Variants in ZNF385D observed in about 807,000 individuals in gnomAD.
ZNF385D encodes zinc finger protein 659.
In ZNF385D, 15 loss-of-function variants were observed where a neutral mutation model predicts 35.8. The observed-to-expected ratio is 0.42, with a 90% CI of 0.28 to 0.64. ZNF385D has a LOEUF of 0.64. ZNF385D is among the 30% of genes least tolerant of loss of function. The probability of loss-of-function intolerance (pLI) is 0.23; values close to 1 mark genes in which losing one functional copy is unlikely to be tolerated. For missense variants in ZNF385D, 474 were observed against 494.6 expected (o/e 0.96, Z 0.39); for synonymous variants, 212 against 186.8 (o/e 1.13, Z -1.10).
chr3:21,845,866 GA>G (rs1415298174), intron 3 of ZNF385D, among the ~76,000 whole-genome samples: 1 of 151,876 alleles, frequency 6.6e-6, no homozygotes, highest in Non-Finnish European at 1.5e-5. Flanking sequence ...CCTGAATATG[GA>G]AAAATATTTA....
At chr3:22,126,560 A>C (rs1046758162) in intron 3 of ZNF385D, among the ~76,000 whole-genome samples, 5 of 151,968 alleles carry the variant, frequency 3.3e-5, no homozygotes, top group African/African-American at 1.2e-4. Context: ...ATATTATTTC[A>C]ATTTTTCTGA....
At position 21,974,118 on chromosome 3, in the gene ZNF385D, T is replaced by C. The variant is rs190951959; in HGVS notation, c.325+194699A>G. ...AAAAGTCCCAGAATAGACAAAGCTA[T>C]CCTGAGCAAAAATTTGAACAAAACT... On this transcript the variant is annotated intron_variant, in intron 3 of 5. Coordinates refer to the ZNF385D transcript ENST00000494108. 2.7e-3 allele frequency among the ~76,000 whole-genome samples: 412 copies of C among 152,076 alleles called. 1 individual carries two copies. The highest frequency in any genetic ancestry group is 4.4e-3 in the Non-Finnish European group (301 of 67,926).
At chr3:21,675,765 A>C (rs1479201599) in intron 1 of ZNF385D, among the ~76,000 whole-genome samples, 1 of 152,072 alleles carries the variant, frequency 6.6e-6, no homozygotes, top group East Asian at 1.9e-4. Flanking sequence ...TATATTGTAG[A>C]TTATCCATAT....
chr3:22,168,958 T>G, exon 3 of ZNF385D: 1 of 985,818 alleles, frequency 1.0e-6, no homozygotes, highest in African/African-American at 1.7e-5. Context: ...GTATGTTTCT[T>G]TTCTCTTTCT....
chr3:21,435,870 G>T (rs1003001441), intron 5 of ZNF385D, among the ~76,000 whole-genome samples: 2 of 152,098 alleles, frequency 1.3e-5, no homozygotes, highest in Non-Finnish European at 2.9e-5. Flanking sequence ...GTTATATGCT[G>T]GAGGAAGGTG....
chr3:21,643,870 T>C (rs1389833874), intron 2 of ZNF385D, among the ~76,000 whole-genome samples: 3 of 152,132 alleles, frequency 2.0e-5, no homozygotes, highest in Non-Finnish European at 4.4e-5. Context: ...GAAAGTTCTA[T>C]TGTACAGTGC....
At chr3:21,665,097 T>C in intron 1 of ZNF385D, 69 bp from the exon 2 acceptor site, 1 of 1,491,860 alleles carries the variant, frequency 6.7e-7, no homozygotes, top group Non-Finnish European at 8.9e-7. Context: ...AAGTTGCTTT[T>C]GAGACAAAAA....
At chr3:22,284,100 T>A (rs923982298) in intron 2 of ZNF385D, among the ~76,000 whole-genome samples, 3 of 152,158 alleles carry the variant, frequency 2.0e-5, no homozygotes, top group Admixed American at 1.3e-4. Context: ...GGCAAGATAG[T>A]ACAACTGCCA....
rs182327295 is a variant in ZNF385D, at chr3:21,609,692, A to T, written c.166-45008T>A. Among the ~76,000 whole-genome samples, 1,171 of 152,252 alleles carry T rather than the reference A, an allele frequency of 7.7e-3. 9 individuals carry two copies. The highest frequency in any genetic ancestry group is 1.0e-2 in the Non-Finnish European group (680 of 68,018). ...CACTGGTCCAAGGTGTCAGCACAGA[A>T]CCTAATGGGGCCAATAATACTTATC... On this transcript the variant is annotated intron_variant, in intron 2 of 7. Transcript: ENST00000281523.
At chr3:21,565,975 G>A (rs965909309) in intron 2 of ZNF385D, among the ~76,000 whole-genome samples, 2 of 152,132 alleles carry the variant, frequency 1.3e-5, no homozygotes, top group African/African-American at 2.4e-5. Flanking sequence ...TCAGGTCACT[G>A]GAATCAGTTA....
chr3:22,213,995 C>T (rs1232864673), intron 2 of ZNF385D, among the ~76,000 whole-genome samples: 1 of 151,974 alleles, frequency 6.6e-6, no homozygotes, highest in African/African-American at 2.4e-5. Context: ...GGTACATTTG[C>T]CATAGGTTGG....
At chr3:22,238,298 C>G (rs908187790) in intron 2 of ZNF385D, among the ~76,000 whole-genome samples, 6 of 145,538 alleles carry the variant, frequency 4.1e-5, no homozygotes, top group Non-Finnish European at 7.8e-5. Flanking sequence ...TATTGGGGGT[C>G]CCTTGCATTT....
At chr3:22,176,616 A>C (rs1302450876) in intron 2 of ZNF385D, among the ~76,000 whole-genome samples, 1 of 152,220 alleles carries the variant, frequency 6.6e-6, no homozygotes, top group Non-Finnish European at 1.5e-5. Flanking sequence ...TACAAAAATT[A>C]AGCCCAGAGT....
chr3:22,369,809 C>G (rs2125233648), intron 2 of ZNF385D, among the ~76,000 whole-genome samples: 1 of 152,222 alleles, frequency 6.6e-6, no homozygotes, highest in South Asian at 2.1e-4. Flanking sequence ...TTTAAAACCT[C>G]AAAATCTTTA....
intron 3 of ZNF385D, among the ~76,000 whole-genome samples, chr3:22,011,259 A>T (rs1227121898): frequency 6.6e-6 from 1 of 152,160 alleles, no homozygotes; most frequent in Non-Finnish European, 1.5e-5. Flanking sequence ...CTATGGATAG[A>T]TGGTTATTTT....
At chr3:22,168,288 A>C (rs1038949327) in intron 3 of ZNF385D, among the ~76,000 whole-genome samples, 2 of 152,178 alleles carry the variant, frequency 1.3e-5, no homozygotes, top group East Asian at 3.9e-4. Flanking sequence ...TCATAAATTC[A>C]ACACATACTT....
chr3:21,986,003 T>C (rs372636933), intron 3 of ZNF385D, among the ~76,000 whole-genome samples: 61 of 105,862 alleles, frequency 5.8e-4, no homozygotes, highest in African/African-American at 2.4e-3. Context: ...TCTGTGGGAT[T>C]GGTGGTGATA....
At chr3:22,180,887 T>A (rs1001964883) in intron 2 of ZNF385D, among the ~76,000 whole-genome samples, 5 of 150,308 alleles carry the variant, frequency 3.3e-5, no homozygotes, top group Non-Finnish European at 7.4e-5. Context: ...TTTCGGCTTG[T>A]AAATCCAGTA....
rs1250059239 is a variant in ZNF385D at position 21,528,021 on chromosome 3, A to G, written c.277-16998T>C. 2.6e-5 allele frequency among the ~76,000 whole-genome samples: 4 copies of G among 152,184 alleles called. No individual in the cohort carries two copies. In the East Asian group the frequency reaches 7.7e-4, roughly 29 times the overall value. ...TTCAAAGATGAGGAAACTAAGGAAC[A>G]CAGTGTTTAAATAACTTCCCAAGGT... is the stretch of plus-strand genomic sequence containing the variant. On this transcript the variant is annotated intron_variant, in intron 3 of 7. Transcript: ENST00000281523.
Sources: gnomAD v4.1 joint callset for allele counts (sites outside exome capture counted in the v4.1 genomes callset) on GRCh38, gnomAD v4.1.1 for gene constraint, MANE v1.5 for transcripts, NCBI Gene and HGNC (gene_info 2026-07-23, HGNC 2026-07-21) for gene names.